The following SAMD3 variants were observed in gnomAD, a reference collection of about 807,000 sequenced individuals.
SAMD3 encodes the protein sterile alpha motif domain containing 3.
A neutral mutation model predicts 58.5 loss-of-function variants in SAMD3; 63 were observed. The ratio of observed to expected loss-of-function variants is 1.08; its 90% confidence interval spans 0.88 to 1.33. The LOEUF (loss-of-function observed/expected upper bound fraction) is 1.33. SAMD3 is among the 40% of genes most tolerant of loss of function. The pLI is 0.00. For synonymous variants in SAMD3, 220 were observed against 210.3 expected, an observed-to-expected ratio of 1.05 and a Z score of -0.40; for missense variants, 604 against 608.4, an observed-to-expected ratio of 0.99 and a Z score of 0.08.
chr6:130,318,591 G>A (rs897992277), intron 1 of SAMD3, among the ~76,000 whole-genome samples: 7 of 152,046 alleles, frequency 4.6e-5, no homozygotes, highest in African/African-American at 1.7e-4. Context: ...ACCATGCTCA[G>A]CTAATTTTTG....
intron 9 of SAMD3, among the ~76,000 whole-genome samples, chr6:130,150,099 ATGTGTGTG>A (rs369929786): frequency 0.013 from 1,802 of 136,940 alleles, 32 homozygotes; most frequent in African/African-American, 0.04. Flanking sequence ...AATTTGGTTC[ATGTGTGTG>A]TGTGTGCGCG....
chr6:130,320,658 G>A (rs1242500555), intron 1 of SAMD3, among the ~76,000 whole-genome samples: 1 of 152,072 alleles, frequency 6.6e-6, no homozygotes, highest in Non-Finnish European at 1.5e-5. Flanking sequence ...GATTAACAGT[G>A]TTACAATCAA....
chr6:130,225,131 T>C (rs1425925947), upstream of SAMD3, among the ~76,000 whole-genome samples: 1 of 150,728 alleles, frequency 6.6e-6, no homozygotes, highest in African/African-American at 2.5e-5. Flanking sequence ...GAAAAGGTTA[T>C]GTGAATGATT....
intron 8 of SAMD3, among the ~76,000 whole-genome samples, chr6:130,157,364 G>A (rs1355821324): frequency 6.7e-6 from 1 of 148,766 alleles, no homozygotes; most frequent in Non-Finnish European, 1.5e-5. Context: ...TTTGAGACAA[G>A]GTCTCACTCT....
At chr6:130,272,291 A>C (rs1326081618) in intron 2 of SAMD3, among the ~76,000 whole-genome samples, 1 of 152,168 alleles carries the variant, frequency 6.6e-6, no homozygotes, top group South Asian at 2.1e-4. Flanking sequence ...ATTCCTGTAT[A>C]AGGATTTGTC....
intron 2 of SAMD3, among the ~76,000 whole-genome samples, chr6:130,258,482 CT>C (rs1289352916): frequency 1.3e-5 from 2 of 152,122 alleles, no homozygotes; most frequent in Admixed American, 6.5e-5. Flanking sequence ...GGTTTATCAA[CT>C]AGTTAAAATT....
intron 8 of SAMD3, among the ~76,000 whole-genome samples, chr6:130,167,953 G>A (rs767914089): frequency 5.9e-5 from 9 of 152,220 alleles, no homozygotes; most frequent in Non-Finnish European, 1.0e-4. Flanking sequence ...TGACTCACAG[G>A]TGGTGCTTTG....
At chr6:130,297,425 C>T (rs908952770) in intron 2 of SAMD3, among the ~76,000 whole-genome samples, 1 of 152,076 alleles carries the variant, frequency 6.6e-6, no homozygotes, top group South Asian at 2.1e-4. Flanking sequence ...ATAAGAAGCA[C>T]CAGTTCCCTC....
chr6:130,194,017 C>A (rs762782188), intron 5 of SAMD3, among the ~76,000 whole-genome samples: 2 of 152,116 alleles, frequency 1.3e-5, no homozygotes, highest in East Asian at 1.9e-4. Flanking sequence ...GGCTGCTTCT[C>A]GCCAGGTCGA....
chr6:130,199,339 G>A (rs1307790194), intron 5 of SAMD3, among the ~76,000 whole-genome samples: 1 of 152,212 alleles, frequency 6.6e-6, no homozygotes, highest in Non-Finnish European at 1.5e-5. Flanking sequence ...AAATGGTATA[G>A]ATTGGGATAC....
At chr6:130,295,949 A>G (rs1396247445) in intron 2 of SAMD3, among the ~76,000 whole-genome samples, 3 of 152,206 alleles carry the variant, frequency 2.0e-5, no homozygotes, top group East Asian at 1.9e-4. Flanking sequence ...TGGGAAACAA[A>G]AACATAATAC....
intron 2 of SAMD3, among the ~76,000 whole-genome samples, chr6:130,234,938 C>T (rs1442110560): frequency 1.3e-5 from 2 of 152,058 alleles, no homozygotes; most frequent in Admixed American, 6.6e-5. Flanking sequence ...CATAGGGAGA[C>T]CCTGTTTCTA....
At chr6:130,349,151 A>C (rs577463807) in intron 1 of SAMD3, among the ~76,000 whole-genome samples, 3 of 152,226 alleles carry the variant, frequency 2.0e-5, no homozygotes, top group Non-Finnish European at 4.4e-5. Context: ...GGACACCCTA[A>C]CATCACAATT....
At chr6:130,199,164 G>A (rs1794414499) in intron 5 of SAMD3, among the ~76,000 whole-genome samples, 1 of 152,202 alleles carries the variant, frequency 6.6e-6, no homozygotes, top group Admixed American at 6.5e-5. Context: ...AGTGCCACCA[G>A]CAATAGTATT....
intron 8 of SAMD3, among the ~76,000 whole-genome samples, chr6:130,163,022 C>T (rs1790404043): frequency 1.3e-5 from 2 of 152,192 alleles, no homozygotes; most frequent in Admixed American, 6.5e-5. Context: ...AAGCAGTCCT[C>T]CTGCATTTGC....
intron 2 of SAMD3, among the ~76,000 whole-genome samples, chr6:130,256,534 T>C (rs1773932993): frequency 6.6e-6 from 1 of 152,232 alleles, no homozygotes; most frequent in South Asian, 2.1e-4. Flanking sequence ...AGCAATTTTT[T>C]TTCTTTTGCT....
intron 2 of SAMD3, among the ~76,000 whole-genome samples, chr6:130,298,002 A>G (rs1775625652): frequency 6.6e-6 from 1 of 152,214 alleles, no homozygotes; most frequent in Non-Finnish European, 1.5e-5. Flanking sequence ...TTGCTAGAGA[A>G]GTCAACATCC....
chr6:130,249,837 G>T (rs931504717), intron 2 of SAMD3, among the ~76,000 whole-genome samples: 1 of 152,058 alleles, frequency 6.6e-6, no homozygotes, highest in Non-Finnish European at 1.5e-5. Flanking sequence ...TAATACTGAA[G>T]GTTATCCAGG....
Position 130,144,585 on chromosome 6 carries a change from T to G in SAMD3, c.1498A>C (p.Ser500Arg). 5 of 1,614,146 alleles carry G rather than the reference T, an allele frequency of 3.1e-6. No homozygotes were observed. Among genetic ancestry groups the G allele is most frequent in the Non-Finnish European group, 3.4e-6 (4 of 1,179,998 alleles). ...TCTTTCAAAGAAGGAAAATAAGGAC[T>G]GTGCATATCGAAAATCAGCGTTTCT... ...FLETLIFDMHSPYFPSLKEKE... is the reference protein window; with the variant it reads ...FLETLIFDMHRPYFPSLKEKE... Residue 500 changes from serine to arginine, a missense_variant, in exon 12 of 12, where the codon AGT becomes CGT. Ser to Arg is a moderately radical substitution (Grantham distance 110). Transcript: ENST00000439090.
Sources: gnomAD v4.1 joint callset for allele counts (sites outside exome capture counted in the v4.1 genomes callset) on GRCh38, gnomAD v4.1.1 for gene constraint, MANE v1.5 for transcripts, NCBI Gene and HGNC (gene_info 2026-07-23, HGNC 2026-07-21) for gene names.